EFTUD2: variants seen among roughly 807,000 people sequenced by gnomAD.
The protein encoded by EFTUD2 is 116 kDa U5 small nuclear ribonucleoprotein component.
In EFTUD2, 9 loss-of-function variants were observed where a neutral mutation model predicts 114.3. The ratio of observed to expected loss-of-function variants is 0.08; its 90% CI spans 0.05 to 0.14. The LOEUF (loss-of-function observed/expected upper bound fraction) is 0.14, where lower values mean the gene tolerates loss of function less well. Among genes scored for constraint, EFTUD2 ranks in the 10% least tolerant of loss-of-function variants. EFTUD2 has a pLI of 1.00. For missense variants in EFTUD2, 765 were observed against 1,241.2 expected (o/e 0.62, Z 5.76); for synonymous variants, 449 against 462.3 (o/e 0.97, Z 0.37).
intron 7 of EFTUD2, among the ~76,000 whole-genome samples, chr17:44,881,119 T>C (rs1165025388): frequency 6.6e-6 from 1 of 152,222 alleles, no homozygotes; most frequent in Non-Finnish European, 1.5e-5. Context: ...CTATCTATCT[T>C]TACTAATTCC....
intron 1 of EFTUD2, among the ~76,000 whole-genome samples, chr17:44,894,769 A>T (rs1469640617): frequency 6.6e-6 from 1 of 152,212 alleles, no homozygotes; most frequent in Non-Finnish European, 1.5e-5. Context: ...TAAGGAGCAG[A>T]GAGTTGAATA....
At chr17:44,858,599 G>A (rs1206804259) in intron 19 of EFTUD2, among the ~76,000 whole-genome samples, 1 of 151,908 alleles carries the variant, frequency 6.6e-6, no homozygotes, top group Admixed American at 6.6e-5. Context: ...CTGGACTACA[G>A]GTACATGCCA....
Position 44,854,695 on chromosome 17 carries a change from G to A in EFTUD2, c.2133-13C>T. ...TCCCAGCTTCTTCCTGGGGAAGGGAGGAGACAATGGAGCTGTCAGCCAGCT... is the reference window on the plus strand; with the variant it reads ...TCCCAGCTTCTTCCTGGGGAAGGGAAGAGACAATGGAGCTGTCAGCCAGCT... On this transcript the variant is annotated splice_polypyrimidine_tract_variant and intron_variant, in intron 21 of 27. Coordinates refer to ENST00000426333, the MANE Select transcript of EFTUD2 (RefSeq NM_004247.4). The surrounding 1 kb of genome is among the most constrained non-coding windows in gnomAD (Gnocchi z 4.3). 1.2e-6 allele frequency: 2 copies of A among 1,610,272 alleles called. No individual in the cohort carries two copies. Among genetic ancestry groups the A allele is most frequent in the Non-Finnish European group, 1.7e-6 (2 of 1,177,512 alleles).
intron 25 of EFTUD2, among the ~76,000 whole-genome samples, chr17:44,853,027 C>A (rs1597787886): frequency 6.6e-6 from 1 of 152,124 alleles, no homozygotes; most frequent in Non-Finnish European, 1.5e-5. Flanking sequence ...ACTACAGGCA[C>A]CCGCCACCAC....
intron 9 of EFTUD2, among the ~76,000 whole-genome samples, chr17:44,876,843 G>A (rs1380248709): frequency 9.5e-6 from 1 of 105,784 alleles, no homozygotes; most frequent in East Asian, 3.2e-4. Flanking sequence ...GCGACAGAGT[G>A]AGACTCCGTC....
rs1290118751 is a variant in EFTUD2, at chr17:44,859,101, C to T, written c.1941G>A (p.Met647Ile). The change falls in exon 19 of 28, where the codon ATG (methionine) becomes ATA (isoleucine). Residue 647 changes from methionine to isoleucine, a missense_variant. By Grantham distance (10) the Met-to-Ile change is conservative (BLOSUM62 1). This residue lies in a region of EFTUD2 where 149 missense variants were observed against 245.1 expected (regional missense o/e 0.61). Coordinates refer to ENST00000426333, the MANE Select transcript of EFTUD2 (RefSeq NM_004247.4). Reference sequence around the variant, plus strand: ...GTACCTTGATGTCTATCTCTGAGTACATCTTCCGCAAATCATGCATCACAC... The same window carrying T: ...GTACCTTGATGTCTATCTCTGAGTATATCTTCCGCAAATCATGCATCACAC... ...LDCVMHDLRK[M>I]YSEIDIKVAD... 3.7e-6 allele frequency: 6 copies of T among 1,613,410 alleles called. No individual in the cohort carries two copies. In the African/African-American group the frequency reaches 4.0e-5, roughly 11 times the overall value.
chr17:44,875,065 A>C (rs2050920898), intron 10 of EFTUD2, among the ~76,000 whole-genome samples: 1 of 152,160 alleles, frequency 6.6e-6, no homozygotes, highest in East Asian at 1.9e-4. Flanking sequence ...GGTGAAGAGG[A>C]GGCTGATTCT....
chr17:44,878,913 A>G (rs562005549), intron 9 of EFTUD2, among the ~76,000 whole-genome samples: 1 of 152,172 alleles, frequency 6.6e-6, no homozygotes, highest in Non-Finnish European at 1.5e-5. Flanking sequence ...TGGTATTTTA[A>G]CTCCAATCTC....
At chr17:44,865,163 T>C in intron 13 of EFTUD2, 98 bp from the exon 14 acceptor site, 1 of 1,505,078 alleles carries the variant, frequency 6.6e-7, no homozygotes, top group Non-Finnish European at 9.0e-7. Context: ...GAAGAACTCC[T>C]TCACAAGGCT....
chr17:44,889,242 G>A (rs1427837771), intron 2 of EFTUD2, among the ~76,000 whole-genome samples: 1 of 152,184 alleles, frequency 6.6e-6, no homozygotes, highest in Non-Finnish European at 1.5e-5. Flanking sequence ...TGGTGACCTT[G>A]ACAAGAGCAG....
intron 19 of EFTUD2, chr17:44,857,525 C>T: frequency 3.8e-6 from 1 of 262,768 alleles, no homozygotes; most frequent in South Asian, 4.5e-5. Context: ...TGGCGTGCAC[C>T]CATGTCATTC....
chr17:44,857,316 G>C (rs1013039683), intron 19 of EFTUD2, 159 bp from the exon 20 acceptor site: 1 of 597,188 alleles, frequency 1.7e-6, no homozygotes, highest in Non-Finnish European at 3.0e-6. Flanking sequence ...GGTTAAAAGA[G>C]CTGTCCAAAT....
intron 1 of EFTUD2, among the ~76,000 whole-genome samples, chr17:44,895,382 G>A (rs934233278): frequency 2.6e-5 from 4 of 151,736 alleles, no homozygotes; most frequent in African/African-American, 9.7e-5. Context: ...TGTAATCCCA[G>A]CTACTCAGGA....
chr17:44,859,363 C>T (rs1016474209), intron 18 of EFTUD2, 182 bp from the exon 19 acceptor site: 2 of 613,858 alleles, frequency 3.3e-6, no homozygotes, highest in Admixed American at 2.7e-5. Context: ...GTCCTCAAGA[C>T]ACCAGGACCA....
At chr17:44,889,109 A>C (rs772869127) in intron 2 of EFTUD2, among the ~76,000 whole-genome samples, 144 of 152,156 alleles carry the variant, frequency 9.5e-4, no homozygotes, top group Non-Finnish European at 1.2e-3. Context: ...GGGTTCTCTG[A>C]AAGCCAAAGG....
rs983526691 is a variant in EFTUD2 at position 44,854,512 on chromosome 17, A to G, written c.2259+44T>C. 2 of 1,597,460 alleles carry G rather than the reference A, an allele frequency of 1.3e-6. No individual in the cohort carries two copies. The highest frequency in any genetic ancestry group is 1.7e-6 in the Non-Finnish European group (2 of 1,170,306). On this transcript the variant is annotated intron_variant, in intron 22 of 27. Transcript: ENST00000426333. The surrounding 1 kb of genome is among the most constrained non-coding windows in gnomAD (Gnocchi z 4.3). ...AACACTTTGTAGTTTCTTCCACTCC[A>G]GAGGTAAGAGACCGCCACCCAGTTC...
Position 44,854,081 on chromosome 17 carries a change from T to C in EFTUD2, c.2347+188A>G, listed in dbSNP as rs1794649226. ...TGACAGTTTAGAAATGACTTAAATT[T>C]CCATTTCCAGGCTACACCACCAGGA... On this transcript the variant is annotated intron_variant, in intron 23 of 27. Coordinates refer to ENST00000426333, the MANE Select transcript of EFTUD2 (RefSeq NM_004247.4). This position sits in a 1 kb window ranked among gnomAD's most constrained non-coding sequence, Gnocchi z 4.3. 7.1e-7 allele frequency: 1 copy of C among 1,415,964 alleles called. No individual in the cohort carries two copies. Among genetic ancestry groups the C allele is most frequent in the Non-Finnish European group, 9.2e-7 (1 of 1,090,056 alleles). The allele number at this position is 1,415,964 out of a possible 1,614,324, so 87.7% of individuals were successfully genotyped here.
Position 44,853,366 on chromosome 17 carries a change from A to G in EFTUD2, c.2491T>C (p.Tyr831His). ...GGGGCCTGGACCTCTACAAAGTAGTAAGGCTCCATCAGACGAGGAGTAGCC... is the reference window on the plus strand; with the variant it reads ...GGGGCCTGGACCTCTACAAAGTAGTGAGGCTCCATCAGACGAGGAGTAGCC... ...LMATPRLMEP[Y>H]YFVEVQAPAD... The change falls in exon 25 of 28, where the codon TAC becomes CAC. Residue 831 changes from tyrosine (Y) to histidine (H), a missense_variant. This residue lies in a region of EFTUD2 where 166 missense variants were observed against 401.5 expected (regional missense o/e 0.41). Transcript: ENST00000426333. 6.2e-7 allele frequency: 1 copy of G among 1,614,142 alleles called. No homozygotes were observed.
At chr17:44,876,192 A>G in intron 9 of EFTUD2, 92 bp from the exon 10 acceptor site, 2 of 1,427,260 alleles carry the variant, frequency 1.4e-6, no homozygotes, top group South Asian at 2.9e-5. Flanking sequence ...TCAAACCATG[A>G]AGCCTGGGGA....
Sources: gnomAD v4.1 joint callset for allele counts (sites outside exome capture counted in the v4.1 genomes callset) on GRCh38, gnomAD v4.1.1 for gene constraint, gnomAD v4.1.1 regional missense constraint, Gnocchi (gnomAD v3.1) non-coding constraint, MANE v1.5 for transcripts, NCBI Gene and HGNC (gene_info 2026-07-23, HGNC 2026-07-21) for gene names.